Variants in CACNA2D3 observed in about 807,000 individuals in gnomAD.
CACNA2D3 encodes the protein voltage-dependent calcium channel subunit alpha-2/delta-3.
In CACNA2D3, 60 loss-of-function variants were observed where a neutral mutation model predicts 160.6. That is an observed-to-expected ratio of 0.37 (90% confidence interval 0.30 to 0.46). The LOEUF is 0.46. Among genes scored for constraint, CACNA2D3 ranks in the 20% least tolerant of loss-of-function variants. CACNA2D3 has a pLI of 1.00. For missense variants in CACNA2D3, 1,205 were observed against 1,365.0 expected, an observed-to-expected ratio of 0.88 and a Z score of 1.85; for synonymous variants, 558 against 492.9, an observed-to-expected ratio of 1.13 and a Z score of -1.75.
At chr3:54,164,626 A>C (rs1700415696) in intron 2 of CACNA2D3, among the ~76,000 whole-genome samples, 1 of 152,138 alleles carries the variant, frequency 6.6e-6, no homozygotes, top group African/African-American at 2.4e-5. Flanking sequence ...GGGTAGAGTC[A>C]CTGTCTTTCC....
intron 35 of CACNA2D3, among the ~76,000 whole-genome samples, chr3:55,071,955 A>G (rs1704819934): frequency 6.6e-6 from 1 of 152,248 alleles, no homozygotes; most frequent in South Asian, 2.1e-4. Context: ...AGAGCTAGCT[A>G]TCTCAGGTAG....
chr3:54,865,517 G>T (rs1333681789), intron 17 of CACNA2D3, among the ~76,000 whole-genome samples: 2 of 152,216 alleles, frequency 1.3e-5, no homozygotes, highest in African/African-American at 4.8e-5. Flanking sequence ...TGCAACCAGA[G>T]GCCTTGATGT....
chr3:54,384,486 C>T (rs1699156922), intron 3 of CACNA2D3, among the ~76,000 whole-genome samples: 1 of 152,130 alleles, frequency 6.6e-6, no homozygotes. Flanking sequence ...CTGTCAGGAT[C>T]CACAGTGTGT....
At position 54,764,254 on chromosome 3, in the gene CACNA2D3, A is replaced by G. The variant is rs774970916; in HGVS notation, c.1283A>G (p.Gln428Arg). Residue 428 changes from glutamine (Q) to arginine (R), a missense_variant, in exon 13 of 38, where the codon CAG becomes CGG. Gln to Arg is a conservative substitution (Grantham distance 43). Around this residue, in one of 3 missense-constraint regions of CACNA2D3, gnomAD observed 911 missense variants for 1,002.2 expected, o/e 0.91. Coordinates refer to ENST00000474759, the MANE Select transcript of CACNA2D3 (RefSeq NM_018398.3). ...FTQISTLADV[Q>R]ENVMEYLHVL... ...CAGATCTCCACCTTGGCTGATGTGC[A>G]GGAGAATGTCATGGAATACCTTCAC... is the stretch of plus-strand genomic sequence containing the variant. 3.3e-5 allele frequency: 54 copies of G among 1,613,720 alleles called. No homozygotes were observed. The South Asian group carries it at 4.1e-4, about 12-fold the overall frequency.
chr3:54,618,135 T>C (rs1435924514), intron 9 of CACNA2D3, among the ~76,000 whole-genome samples: 1 of 151,730 alleles, frequency 6.6e-6, no homozygotes, highest in Non-Finnish European at 1.5e-5. Context: ...CATTATCTTA[T>C]TAAGTCCTCA....
At chr3:54,245,451 G>A (rs528180700) in intron 2 of CACNA2D3, among the ~76,000 whole-genome samples, 2 of 152,150 alleles carry the variant, frequency 1.3e-5, no homozygotes, top group Admixed American at 1.3e-4. Context: ...CTCTCATGGT[G>A]GCTCATGTTC....
At chr3:54,518,764 T>C (rs563617134) in intron 5 of CACNA2D3, among the ~76,000 whole-genome samples, 1 of 151,214 alleles carries the variant, frequency 6.6e-6, no homozygotes, top group East Asian at 1.9e-4. Context: ...CAACCATTTT[T>C]CCCCTCCCAG....
chr3:54,386,805 T>C (rs1699195406), intron 4 of CACNA2D3, 31 bp downstream of exon 4: 1 of 1,559,038 alleles, frequency 6.4e-7, no homozygotes, highest in Non-Finnish European at 8.7e-7. Context: ...TTAAATTGTT[T>C]TGTGTGTTTC....
intron 13 of CACNA2D3, among the ~76,000 whole-genome samples, chr3:54,796,188 A>C (rs145724169): frequency 6.6e-6 from 1 of 152,264 alleles, no homozygotes; most frequent in East Asian, 1.9e-4. Context: ...GAGTACTTTA[A>C]GTTTTTAGGG....
rs1177574 is a variant in CACNA2D3 at position 54,857,607 on chromosome 3, T to C, written c.1626+11140T>C. On this transcript the variant is annotated intron_variant, in intron 17 of 37. Coordinates refer to ENST00000474759, the MANE Select transcript of CACNA2D3 (RefSeq NM_018398.3). ...GGCTGCCCTCCCATCTCTGAATCAC[T>C]TTGCCATGTCCCTGCGGGTATTTCC... 3.8e-3 allele frequency among the ~76,000 whole-genome samples: 582 copies of C among 152,304 alleles called. 2 individuals are homozygous for C. The highest frequency in any genetic ancestry group is 0.012 in the African/African-American group (506 of 41,560).
intron 13 of CACNA2D3, among the ~76,000 whole-genome samples, chr3:54,802,364 A>G (rs754425039): frequency 9.9e-5 from 15 of 152,188 alleles, no homozygotes; most frequent in Non-Finnish European, 1.6e-4. Context: ...GACCTATCCA[A>G]TATTATTATA....
At chr3:54,883,133 C>T (rs1169998192) in intron 21 of CACNA2D3, among the ~76,000 whole-genome samples, 1 of 152,092 alleles carries the variant, frequency 6.6e-6, no homozygotes, top group Non-Finnish European at 1.5e-5. Flanking sequence ...AGGTGATTCT[C>T]CTGCCTCAGC....
In CACNA2D3 at chr3:54,463,522, T is replaced by A. The variant is rs1700548669; in HGVS notation, c.382-39970T>A. Among the ~76,000 whole-genome samples, 4 of 152,330 alleles carry A rather than the reference T, an allele frequency of 2.6e-5. No homozygotes were observed. In the South Asian group the frequency reaches 8.3e-4, roughly 32 times the overall value. On this transcript the variant is annotated intron_variant, in intron 4 of 37. Transcript: ENST00000474759. The stretch of plus-strand genomic sequence containing the variant: ...TTCTCATCTTGCTTCATTTCATTCA[T>A]TTCATCTTCCATCACTGATACCCTT...
Position 54,435,411 on chromosome 3 carries a change from G to C in CACNA2D3, c.381+48637G>C, listed in dbSNP as rs146829568. Among the ~76,000 whole-genome samples, 8 of 152,258 alleles carry C rather than the reference G, an allele frequency of 5.3e-5. No individual in the cohort carries two copies. In the East Asian group the frequency reaches 1.5e-3, roughly 29 times the overall value. ...GCTGAGCTTACACCCCTGCAACTCAGGTGATGTGAATTGTAGCCCCATGTT... is the reference window on the plus strand; with the variant it reads ...GCTGAGCTTACACCCCTGCAACTCACGTGATGTGAATTGTAGCCCCATGTT... On this transcript the variant is annotated intron_variant, in intron 4 of 37. Transcript: ENST00000474759.
intron 3 of CACNA2D3, among the ~76,000 whole-genome samples, chr3:54,349,254 G>A (rs1430703688): frequency 6.6e-6 from 1 of 152,174 alleles, no homozygotes; most frequent in African/African-American, 2.4e-5. Context: ...ATGAAGCAGA[G>A]CAAGAGGCGC....
At chr3:55,003,020 G>A (rs1703015912) in intron 31 of CACNA2D3, among the ~76,000 whole-genome samples, 1 of 152,052 alleles carries the variant, frequency 6.6e-6, no homozygotes, top group African/African-American at 2.4e-5. Context: ...CTGTATGCTG[G>A]GTGCTGTACT....
At chr3:54,568,521 C>A (rs1448059539) in intron 6 of CACNA2D3, among the ~76,000 whole-genome samples, 2 of 152,186 alleles carry the variant, frequency 1.3e-5, no homozygotes, top group Non-Finnish European at 2.9e-5. Context: ...CTAGCCTCAC[C>A]AGGGATATAA....
intron 2 of CACNA2D3, among the ~76,000 whole-genome samples, chr3:54,284,618 C>G (rs1160446247): frequency 6.6e-6 from 1 of 152,128 alleles, no homozygotes; most frequent in African/African-American, 2.4e-5. Context: ...GTAAACATCT[C>G]TGTCTTGATG....
chr3:54,578,230 T>G (rs985366854), intron 8 of CACNA2D3, among the ~76,000 whole-genome samples: 1 of 152,206 alleles, frequency 6.6e-6, no homozygotes, highest in African/African-American at 2.4e-5. Flanking sequence ...TGATGTACAT[T>G]GTATCCTTTT....
Sources: gnomAD v4.1 joint callset for allele counts (sites outside exome capture counted in the v4.1 genomes callset) on GRCh38, gnomAD v4.1.1 for gene constraint, gnomAD v4.1.1 regional missense constraint, MANE v1.5 for transcripts, NCBI Gene and HGNC (gene_info 2026-07-23, HGNC 2026-07-21) for gene names.